Variants in SNAPIN observed in about 807,000 individuals in gnomAD.
The protein encoded by SNAPIN is SNARE-associated protein Snapin.
In SNAPIN, 16 loss-of-function variants were observed where a neutral mutation model predicts 15.9. The ratio of observed to expected loss-of-function variants is 1.01; its 90% CI spans 0.68 to 1.53. The LOEUF (loss-of-function observed/expected upper bound fraction) is 1.53, where lower values mean the gene tolerates loss of function less well. Ranked by LOEUF, SNAPIN falls within the 40% of genes most tolerant of loss-of-function variation. The probability of loss-of-function intolerance (pLI) is 0.00; values close to 1 mark genes in which losing one functional copy is unlikely to be tolerated. For synonymous variants in SNAPIN, 83 were observed against 76.2 expected, an observed-to-expected ratio of 1.09 and a Z score of -0.46; for missense variants, 186 against 180.1, an observed-to-expected ratio of 1.03 and a Z score of -0.19.
Position 153,658,893 on chromosome 1 carries a change from G to A in SNAPIN, c.143+7G>A, listed in dbSNP as rs1007053265. 3 of 1,609,684 alleles carry A rather than the reference G, an allele frequency of 1.9e-6. No individual in the cohort carries two copies. The African/African-American group carries it at 4.0e-5, about 22-fold the overall frequency. Reference sequence around the variant, plus strand: ...CTCACGTACACGCCGTCAGGTGCCCGGGAGGGAAGTTGGGGGCGGGGCCTG... The same window carrying A: ...CTCACGTACACGCCGTCAGGTGCCCAGGAGGGAAGTTGGGGGCGGGGCCTG... On this transcript the variant is annotated splice_region_variant and intron_variant, in intron 1 of 3. Coordinates refer to ENST00000368685, the MANE Select transcript of SNAPIN (RefSeq NM_012437.6).
chr1:153,658,765 G>A lies in SNAPIN; in HGVS notation c.22G>A (p.Ala8Thr), dbSNP rs745380444. 1.3e-6 allele frequency: 2 copies of A among 1,569,164 alleles called. No homozygotes were observed. The highest frequency in any genetic ancestry group is 2.3e-5 in the East Asian group (1 of 43,724). The change falls in exon 1 of 4, where the codon GCT becomes ACT. Residue 8 changes from alanine (A) to threonine (T), a missense_variant. Coordinates refer to ENST00000368685, the MANE Select transcript of SNAPIN (RefSeq NM_012437.6). MAGAGSAAVSGAGTPVAG... is the reference protein window; with the variant it reads MAGAGSATVSGAGTPVAG... ...CGTGATGGCGGGGGCTGGTTCCGCC[G>A]CTGTATCGGGGGCAGGGACCCCGGT...
chr1:153,660,373 G>A (rs1669118494), intron 3 of SNAPIN, among the ~76,000 whole-genome samples: 1 of 150,724 alleles, frequency 6.6e-6, no homozygotes, highest in African/African-American at 2.4e-5. Context: ...GATCGGCTGG[G>A]CGCGGTGGCT....
chr1:153,659,011 C>A, intron 1 of SNAPIN, 125 bp downstream of exon 1: 1 of 1,552,612 alleles, frequency 6.4e-7, no homozygotes, highest in Non-Finnish European at 8.8e-7. Flanking sequence ...GGAGGACAGG[C>A]GGGAAGGCCG....
Position 153,661,357 on chromosome 1 carries a change from AAC to A in SNAPIN, c.*58_*59del. The A allele has an allele frequency of 1.5e-6, 2 of 1,331,334 alleles. No individual in the cohort carries two copies. Among genetic ancestry groups the A allele is most frequent in the East Asian group, 2.3e-5 (1 of 42,756 alleles). The allele number at this position is 1,331,334 out of a possible 1,614,324, so 82.5% of individuals were successfully genotyped here. ...TACTGTTCCCCAGCTGCCTTGTTTC[AAC>A]AGACATGCAAAGATCCTAGGAGACA... On this transcript the variant is annotated 3_prime_UTR_variant, in exon 4 of 4. Coordinates refer to ENST00000368685, the MANE Select transcript of SNAPIN (RefSeq NM_012437.6).
At position 153,661,063 on chromosome 1, in the gene SNAPIN, C is replaced by G. The variant is rs575529986; in HGVS notation, c.310-137C>G. The G allele has an allele frequency of 1.7e-5, 10 of 597,790 alleles. No individual in the cohort carries two copies. In the African/African-American group the frequency reaches 1.9e-4, roughly 11 times the overall value. 37.0% of individuals were successfully genotyped at this position (597,790 alleles called of 1,614,324 possible). ...GGGATTACAAGTGTGAGCCACCATG[C>G]CCGGCCTACATTCTTATATATACTT... is the stretch of plus-strand genomic sequence containing the variant. On this transcript the variant is annotated intron_variant, in intron 3 of 3. Transcript: ENST00000368685.
At chr1:153,659,844 A>G (rs968976819) in intron 3 of SNAPIN, among the ~76,000 whole-genome samples, 5 of 151,914 alleles carry the variant, frequency 3.3e-5, no homozygotes, top group African/African-American at 9.7e-5. Context: ...GGCTCAAGCA[A>G]TTCTGCCTCC....
Position 153,659,217 on chromosome 1 carries a change from T to C in SNAPIN, c.190+33T>C, listed in dbSNP as rs749614222. On this transcript the variant is annotated intron_variant, in intron 2 of 3. Transcript: ENST00000368685. ...AGCATCCCTGTGTACCCGGAATTCT[T>C]CAGCCCACTTTCAGGACCTTAGGTT... 1.5e-5 allele frequency: 24 copies of C among 1,611,910 alleles called. No individual in the cohort carries two copies. The South Asian group carries it at 2.4e-4, about 16-fold the overall frequency.
chr1:153,659,672 C>T (rs1042752067), intron 3 of SNAPIN, 106 bp downstream of exon 3: 2 of 795,282 alleles, frequency 2.5e-6, no homozygotes, highest in Non-Finnish European at 2.1e-6. Flanking sequence ...GGGAAATTCA[C>T]TTCTCCCAGT....
rs1204997379 is a variant in SNAPIN at position 153,658,771 on chromosome 1, TCGGGGGCAGGGACCCCGGTGG to T, written c.34_54del (p.Ala12_Gly18del). The T allele has an allele frequency of 6.3e-7, 1 of 1,577,134 alleles. No individual in the cohort carries two copies. The highest frequency in any genetic ancestry group is 8.6e-7 in the Non-Finnish European group (1 of 1,168,620). ...GGCGGGGGCTGGTTCCGCCGCTGTATCGGGGGCAGGGACCCCGGTGGCGGGGCCCACAGGCCGCGACCTTTT... is the reference window on the plus strand; with the variant it reads ...GGCGGGGGCTGGTTCCGCCGCTGTATCGGGGCCCACAGGCCGCGACCTTTT... On this transcript the variant is annotated inframe_deletion, in exon 1 of 4. Coordinates refer to ENST00000368685, the MANE Select transcript of SNAPIN (RefSeq NM_012437.6).
chr1:153,660,331 CTTT>C (rs534699445), intron 3 of SNAPIN, among the ~76,000 whole-genome samples: 68 of 135,164 alleles, frequency 5.0e-4, no homozygotes, highest in South Asian at 1.2e-3. Flanking sequence ...CCTGCCTGGC[CTTT>C]TTTTTTTTTT....
At position 153,661,069 on chromosome 1, in the gene SNAPIN, C is replaced by T; in HGVS notation, c.310-131C>T. Reference sequence around the variant, plus strand: ...ACAAGTGTGAGCCACCATGCCCGGCCTACATTCTTATATATACTTTTGAAG... The same window carrying T: ...ACAAGTGTGAGCCACCATGCCCGGCTTACATTCTTATATATACTTTTGAAG... On this transcript the variant is annotated intron_variant, in intron 3 of 3. Transcript: ENST00000368685. 10 of 643,712 alleles carry T rather than the reference C, an allele frequency of 1.6e-5. No individual in the cohort carries two copies. The South Asian group carries it at 1.7e-4, about 11-fold the overall frequency. 39.9% of individuals were successfully genotyped at this position (643,712 alleles called of 1,614,324 possible).
chr1:153,659,462 A>C lies in SNAPIN; in HGVS notation c.205A>C (p.Asn69His). Residue 69 changes from asparagine to histidine, a missense_variant, in exon 3 of 4, where the codon AAT becomes CAT. Physicochemically the swap from Asn to His is moderately conservative, Grantham distance 68. Transcript: ENST00000368685. ...DNLATELCRI[N>H]EDQKVALDLD... ...TCCATCCCCAGAACTGTGCCGCATAAATGAGGATCAGAAGGTGGCCCTGGA... is the reference window on the plus strand; with the variant it reads ...TCCATCCCCAGAACTGTGCCGCATACATGAGGATCAGAAGGTGGCCCTGGA... The C allele has an allele frequency of 6.2e-7, 1 of 1,613,646 alleles. No homozygotes were observed. Among genetic ancestry groups the C allele is most frequent in the Non-Finnish European group, 8.5e-7 (1 of 1,179,574 alleles).
chr1:153,660,217 T>C (rs1269053370), intron 3 of SNAPIN, among the ~76,000 whole-genome samples: 3 of 151,884 alleles, frequency 2.0e-5, no homozygotes, highest in Admixed American at 6.6e-5. Context: ...GAGACAGGGT[T>C]TCACCATGTT....
At chr1:153,661,116 G>T in intron 3 of SNAPIN, 84 bp from the exon 4 acceptor site, 1 of 1,070,764 alleles carries the variant, frequency 9.3e-7, no homozygotes, top group East Asian at 2.5e-5. Context: ...GGTAGATCAC[G>T]CCCGGTATTT....
Position 153,659,503 on chromosome 1 carries a change from T to C in SNAPIN, c.246T>C (p.Val82=). The C allele has an allele frequency of 6.2e-7, 1 of 1,614,108 alleles. No homozygotes were observed. The highest frequency in any genetic ancestry group is 8.5e-7 in the Non-Finnish European group (1 of 1,180,012). Residue 82 remains valine (V), a synonymous_variant, in exon 3 of 4, where the codon GTT becomes GTC. Transcript: ENST00000368685. Reference sequence around the variant, plus strand: ...TGGCCCTGGATCTTGACCCCTATGTTAAGAAGCTACTTAATGCCCGGCGAC... The same window carrying C: ...TGGCCCTGGATCTTGACCCCTATGTCAAGAAGCTACTTAATGCCCGGCGAC... ...QKVALDLDPY[V]KKLLNARRRV...
intron 3 of SNAPIN, among the ~76,000 whole-genome samples, chr1:153,659,933 C>G (rs1320619706): frequency 1.3e-5 from 2 of 152,184 alleles, no homozygotes; most frequent in African/African-American, 4.8e-5. Context: ...TAGGGTTTCT[C>G]CATGTTGCCC....
chr1:153,658,827 G>C lies in SNAPIN; in HGVS notation c.84G>C (p.Gly28=), dbSNP rs551831142. The C allele has an allele frequency of 1.3e-6, 2 of 1,599,196 alleles. No homozygotes were observed. Among genetic ancestry groups the C allele is most frequent in the African/African-American group, 2.7e-5 (2 of 73,938 alleles). The change falls in exon 1 of 4, where the codon GGG becomes GGC. Residue 28 remains glycine, a synonymous_variant. Transcript: ENST00000368685. The part of the protein sequence containing the change: ...GPTGRDLFAE[G]LLEFLRPAVQ... ...CAGGCCGCGACCTTTTCGCCGAAGG[G>C]CTGCTGGAGTTCCTGCGACCCGCTG...
At chr1:153,661,142 A>C (rs1165788971) in intron 3 of SNAPIN, 58 bp from the exon 4 acceptor site, 2 of 1,404,720 alleles carry the variant, frequency 1.4e-6, no homozygotes, top group Non-Finnish European at 2.0e-6. Context: ...CACCTAGTTC[A>C]CTTACACTCT....
chr1:153,658,668 C>G, upstream of SNAPIN: 3 of 1,421,180 alleles, frequency 2.1e-6, no homozygotes, highest in East Asian at 5.5e-5. Flanking sequence ...CGCCCCCTCA[C>G]GGGGCGGGGC....
Sources: gnomAD v4.1 joint callset for allele counts (sites outside exome capture counted in the v4.1 genomes callset) on GRCh38, gnomAD v4.1.1 for gene constraint, MANE v1.5 for transcripts, NCBI Gene and HGNC (gene_info 2026-07-23, HGNC 2026-07-21) for gene names.